Variants in TMTC1 observed in about 807,000 individuals in gnomAD.
TMTC1 encodes transmembrane O-mannosyltransferase targeting cadherins 1, also known as protein O-mannosyl-transferase TMTC1.
In TMTC1, 73 loss-of-function variants were observed where a neutral mutation model predicts 104.8. The observed-to-expected ratio is 0.70, with a 90% CI of 0.58 to 0.85. TMTC1 has a LOEUF of 0.85. Ranked by LOEUF, TMTC1 falls within the 40% of genes least tolerant of loss-of-function variation. The pLI is 0.00. For missense variants in TMTC1, 1,035 were observed against 1,096.1 expected, an observed-to-expected ratio of 0.94 and a Z score of 0.79; for synonymous variants, 434 against 428.7, an observed-to-expected ratio of 1.01 and a Z score of -0.15.
chr12:29,559,570 CT>C (rs1302315224), intron 9 of TMTC1, among the ~76,000 whole-genome samples: 1 of 152,184 alleles, frequency 6.6e-6, no homozygotes, highest in East Asian at 1.9e-4. Context: ...TTTACTATGC[CT>C]TGTGCTCTAA....
chr12:29,677,240 T>C (rs1207731456), intron 5 of TMTC1, among the ~76,000 whole-genome samples: 2 of 152,182 alleles, frequency 1.3e-5, no homozygotes, highest in Non-Finnish European at 2.9e-5. Context: ...GCAGCATGAA[T>C]AACCCTTTAT....
chr12:29,767,915 G>A lies in TMTC1; in HGVS notation c.463C>T (p.Pro155Ser). 6.2e-7 allele frequency: 1 copy of A among 1,613,636 alleles called. No homozygotes were observed. The highest frequency in any genetic ancestry group is 8.5e-7 in the Non-Finnish European group (1 of 1,179,808). The change falls in exon 2 of 18, where the codon CCT becomes TCT. Residue 155 changes from proline to serine, a missense_variant. By Grantham distance (74) the Pro-to-Ser change is moderately conservative. Coordinates refer to ENST00000539277, the MANE Select transcript of TMTC1 (RefSeq NM_001193451.2). Reference protein sequence around the residue: ...FVTALLFAVHPIHTEAVAGIV... With the variant: ...FVTALLFAVHSIHTEAVAGIV... ...ACACTTACCGCCTCAGTATGAATAG[G>A]ATGTACAGCAAAAAGCAATGCCGTT...
At chr12:29,591,504 C>A (rs1002678045) in intron 7 of TMTC1, among the ~76,000 whole-genome samples, 1 of 152,188 alleles carries the variant, frequency 6.6e-6, no homozygotes, top group Non-Finnish European at 1.5e-5. Context: ...GAGCCCAAAG[C>A]CAAACTCAGG....
chr12:29,525,529 CT>C (rs1235511609), intron 11 of TMTC1, among the ~76,000 whole-genome samples: 1 of 151,286 alleles, frequency 6.6e-6, no homozygotes, highest in Non-Finnish European at 1.5e-5. Context: ...TATCCAGTCT[CT>C]GGGTTTTAGA....
chr12:29,695,511 T>G (rs920970539), intron 5 of TMTC1, among the ~76,000 whole-genome samples: 1 of 151,826 alleles, frequency 6.6e-6, no homozygotes, highest in East Asian at 2.0e-4. Context: ...TTCACCATGT[T>G]GGCCAGGATG....
At chr12:29,555,059 A>C (rs1356611681) in intron 10 of TMTC1, among the ~76,000 whole-genome samples, 1 of 151,902 alleles carries the variant, frequency 6.6e-6, no homozygotes, top group East Asian at 1.9e-4. Context: ...TTATTCAAGA[A>C]AAATTTTACA....
rs1565631099 is a variant in TMTC1 at position 29,506,846 on chromosome 12, C to G, written c.2649G>C (p.Ter883TyrextTer15). The change falls in exon 18 of 18, where the codon TAG (stop) becomes TAC (tyrosine). Residue 883 changes from the stop codon to tyrosine, a stop_lost. Transcript: ENST00000539277. ...TATGAGGTTGGGTCAGACGGTGGTG[C>G]TATGTTTGATCCTTTTCTCGAACTT... ...LQEVREKDQT[*>Y] 1 of 1,613,992 alleles carries G rather than the reference C, an allele frequency of 6.2e-7. No homozygotes were observed. The highest frequency in any genetic ancestry group is 1.1e-5 in the South Asian group (1 of 91,080).
intron 5 of TMTC1, among the ~76,000 whole-genome samples, chr12:29,672,787 C>T (rs1940567913): frequency 6.6e-6 from 1 of 152,198 alleles, no homozygotes; most frequent in Admixed American, 6.5e-5. Flanking sequence ...CTGCAGACCA[C>T]AGCTCCTCCT....
chr12:29,595,610 C>A (rs1002591604), intron 7 of TMTC1, among the ~76,000 whole-genome samples: 1 of 152,220 alleles, frequency 6.6e-6, no homozygotes, highest in African/African-American at 2.4e-5. Context: ...TAACTCCTAG[C>A]TCTCACATCC....
Position 29,501,090 on chromosome 12 carries a change from A to G in TMTC1, c.*5756T>C, listed in dbSNP as rs925787875. ...ACAAAAGGAGGGATCTGCGTGAATT[A>G]CAGCAAATCAAATGATTTCCACATT... On this transcript the variant is annotated 3_prime_UTR_variant, in exon 18 of 18. Coordinates refer to ENST00000539277, the MANE Select transcript of TMTC1 (RefSeq NM_001193451.2). The G allele has an allele frequency of 6.6e-6, 1 of 152,562 alleles. No homozygotes were observed. Among genetic ancestry groups the G allele is most frequent in the Non-Finnish European group, 1.5e-5 (1 of 68,044 alleles). 9.5% of individuals were successfully genotyped at this position (152,562 alleles called of 1,614,324 possible). A position where few individuals can be genotyped will look rare whatever the true frequency, so the allele number is the denominator to read the frequency against.
intron 5 of TMTC1, among the ~76,000 whole-genome samples, chr12:29,745,618 CAAAAAAAAAAAAAA>C (rs71444341): frequency 2.4e-5 from 2 of 84,574 alleles, no homozygotes; most frequent in Non-Finnish European, 4.4e-5. Context: ...GAGACTCAAT[CAAAAAAAAAAAAAA>C]AAAAAAAGAA....
intron 5 of TMTC1, among the ~76,000 whole-genome samples, chr12:29,727,801 T>C (rs1942438211): frequency 6.6e-6 from 1 of 152,180 alleles, no homozygotes; most frequent in Admixed American, 6.5e-5. Flanking sequence ...TTTTGTTTTG[T>C]TTTGTTTTCA....
intron 9 of TMTC1, among the ~76,000 whole-genome samples, chr12:29,561,694 A>G (rs549301967): frequency 2.0e-5 from 3 of 152,318 alleles, no homozygotes; most frequent in African/African-American, 7.2e-5. Context: ...TCTGTTCCAG[A>G]GTTAAGAATG....
intron 10 of TMTC1, among the ~76,000 whole-genome samples, chr12:29,547,035 G>T (rs1290326180): frequency 6.6e-6 from 1 of 152,220 alleles, no homozygotes; most frequent in Non-Finnish European, 1.5e-5. Context: ...TTCCGGGAAA[G>T]ATTGTAAAGG....
At chr12:29,508,294 T>C (rs1943744274) in intron 17 of TMTC1, among the ~76,000 whole-genome samples, 1 of 152,228 alleles carries the variant, frequency 6.6e-6, no homozygotes, top group East Asian at 1.9e-4. Flanking sequence ...GCATTTGCTA[T>C]ATTCAATTAT....
intron 5 of TMTC1, among the ~76,000 whole-genome samples, chr12:29,720,880 A>G (rs879700937): frequency 6.6e-6 from 1 of 152,210 alleles, no homozygotes; most frequent in African/African-American, 2.4e-5. Flanking sequence ...GCAGATGATC[A>G]AAGACAAAAG....
intron 10 of TMTC1, among the ~76,000 whole-genome samples, chr12:29,551,262 T>C (rs1483121160): frequency 6.6e-6 from 1 of 152,194 alleles, no homozygotes; most frequent in Admixed American, 6.5e-5. Flanking sequence ...AAAACTACTA[T>C]CTTGAATGTA....
At chr12:29,689,391 T>C (rs901511258) in intron 5 of TMTC1, among the ~76,000 whole-genome samples, 1 of 152,054 alleles carries the variant, frequency 6.6e-6, no homozygotes, top group African/African-American at 2.4e-5. Flanking sequence ...ATCAGCTCAC[T>C]GCAACTCCAC....
At chr12:29,605,532 G>A (rs1946674286) in intron 6 of TMTC1, among the ~76,000 whole-genome samples, 1 of 121,316 alleles carries the variant, frequency 8.2e-6, no homozygotes, top group East Asian at 2.5e-4. Context: ...TATGTAACAA[G>A]CCTTCAACTC....
Sources: allele counts gnomAD v4.1 joint callset (sites outside exome capture counted in the v4.1 genomes callset), GRCh38; gene constraint gnomAD v4.1.1; transcripts MANE v1.5; gene names NCBI Gene and HGNC (gene_info 2026-07-23, HGNC 2026-07-21).